FAT3: variants seen among roughly 807,000 people sequenced by gnomAD.
FAT3 encodes the protein protocadherin Fat 3.
FAT3 carries 95 observed loss-of-function variants against 310.2 expected under a neutral mutation model. The observed-to-expected ratio is 0.31, with a 90% CI of 0.26 to 0.36. FAT3 has a LOEUF of 0.36. Among genes scored for constraint, FAT3 ranks in the 10% least tolerant of loss-of-function variants. The pLI is 1.00. For synonymous variants in FAT3, 2,314 were observed against 2,192.9 expected, an observed-to-expected ratio of 1.06 and a Z score of -1.54; for missense variants, 5,408 against 5,715.6, an observed-to-expected ratio of 0.95 and a Z score of 1.74.
intron 7 of FAT3, among the ~76,000 whole-genome samples, chr11:92,777,085 G>A (rs983485386): frequency 6.6e-5 from 10 of 152,206 alleles, no homozygotes; most frequent in African/African-American, 2.4e-4. Flanking sequence ...ATGTTCCCAT[G>A]CATGACGCTG....
At chr11:92,453,277 A>C (rs1201398889) in intron 2 of FAT3, among the ~76,000 whole-genome samples, 1 of 152,188 alleles carries the variant, frequency 6.6e-6, no homozygotes. Flanking sequence ...CTTCCTATTC[A>C]CCAGTAAAAC....
chr11:92,442,401 C>T (rs1014301360), intron 2 of FAT3, among the ~76,000 whole-genome samples: 1 of 150,930 alleles, frequency 6.6e-6, no homozygotes, highest in Non-Finnish European at 1.5e-5. Context: ...GCATGAGCCA[C>T]CGCGCCTGGC....
chr11:92,668,884 G>A (rs1943041756), intron 3 of FAT3, among the ~76,000 whole-genome samples: 1 of 152,050 alleles, frequency 6.6e-6, no homozygotes, highest in Non-Finnish European at 1.5e-5. Flanking sequence ...CGGTTGTATC[G>A]AGCAGCATTT....
chr11:92,442,826 A>G (rs1175322128), intron 2 of FAT3, among the ~76,000 whole-genome samples: 1 of 152,022 alleles, frequency 6.6e-6, no homozygotes, highest in Non-Finnish European at 1.5e-5. Context: ...TTTTTATGCT[A>G]CCTATTAGTT....
chr11:92,660,874 T>C (rs1488495902), intron 3 of FAT3, among the ~76,000 whole-genome samples: 2 of 152,186 alleles, frequency 1.3e-5, no homozygotes, highest in Non-Finnish European at 1.5e-5. Context: ...ATATGTCTTA[T>C]TCTAGATTAT....
chr11:92,604,622 C>G (rs1053427173), intron 3 of FAT3, among the ~76,000 whole-genome samples: 1 of 152,148 alleles, frequency 6.6e-6, no homozygotes, highest in Non-Finnish European at 1.5e-5. Context: ...CTATACACAT[C>G]CTGCGTCACC....
Position 92,737,256 on chromosome 11 carries a change from A to G in FAT3, c.3670-24600A>G, listed in dbSNP as rs569094436. On this transcript the variant is annotated intron_variant, in intron 4 of 27. Transcript: ENST00000525166. ...TGCTGATTACACTGTGTGACGGAGG[A>G]TATACCAGCCCTTGATTTTTGTCTC... 6.6e-5 allele frequency among the ~76,000 whole-genome samples: 10 copies of G among 152,290 alleles called. 1 individual carries two copies. The South Asian group carries it at 2.1e-3, about 32-fold the overall frequency.
chr11:92,515,097 A>G (rs116481590), intron 2 of FAT3, among the ~76,000 whole-genome samples: 2,436 of 152,200 alleles, frequency 0.016, 69 homozygotes, highest in African/African-American at 0.054. Context: ...AAACTAGCCT[A>G]CTGCTGAATC....
At chr11:92,286,016 A>C (rs901125890) in intron 1 of FAT3, among the ~76,000 whole-genome samples, 3 of 152,014 alleles carry the variant, frequency 2.0e-5, no homozygotes, top group African/African-American at 7.2e-5. Context: ...CCCCGAGATG[A>C]GAGTGTCGGT....
chr11:92,567,920 T>A (rs183730194), intron 3 of FAT3, among the ~76,000 whole-genome samples: 1 of 150,812 alleles, frequency 6.6e-6, no homozygotes, highest in Non-Finnish European at 1.5e-5. Flanking sequence ...AGGGATAGCA[T>A]TGGGAGATAC....
intron 3 of FAT3, among the ~76,000 whole-genome samples, chr11:92,653,713 T>G (rs1815455366): frequency 6.6e-6 from 1 of 152,232 alleles, no homozygotes; most frequent in Non-Finnish European, 1.5e-5. Context: ...TTCCTTGTTA[T>G]TCTTCCTACT....
Position 92,431,342 on chromosome 11 carries a change from A to G in FAT3, c.3292+75938A>G, listed in dbSNP as rs537410589. On this transcript the variant is annotated intron_variant, in intron 2 of 27. Coordinates refer to ENST00000525166, the MANE Select transcript of FAT3 (RefSeq NM_001367949.2). ...AAGTGTCTGTTCATATCCTTCGCCC[A>G]CTTTTTGATGGGGTTGTTTGTTTTT... Among the ~76,000 whole-genome samples, 17 of 151,990 alleles carry G rather than the reference A, an allele frequency of 1.1e-4. 1 individual carries two copies. In the South Asian group the frequency reaches 3.3e-3, roughly 30 times the overall value.
At chr11:92,347,563 G>T (rs1326927228) in intron 1 of FAT3, among the ~76,000 whole-genome samples, 2 of 152,136 alleles carry the variant, frequency 1.3e-5, no homozygotes, top group Admixed American at 1.3e-4. Flanking sequence ...CAGAGCCAAG[G>T]CTGTCCCAGA....
chr11:92,347,485 A>T (rs1402303829), intron 1 of FAT3, among the ~76,000 whole-genome samples: 3 of 152,194 alleles, frequency 2.0e-5, no homozygotes, highest in Non-Finnish European at 4.4e-5. Flanking sequence ...TCACCAATTT[A>T]AGCAGACCAG....
At chr11:92,509,843 T>C (rs1325877374) in intron 2 of FAT3, among the ~76,000 whole-genome samples, 1 of 152,204 alleles carries the variant, frequency 6.6e-6, no homozygotes, top group East Asian at 1.9e-4. Context: ...CAACAGTTAT[T>C]ATCTCTGGAT....
chr11:92,515,245 T>C (rs1025179547), intron 2 of FAT3, among the ~76,000 whole-genome samples: 12 of 152,078 alleles, frequency 7.9e-5, no homozygotes, highest in Non-Finnish European at 1.3e-4. Context: ...CTGTGTTGGG[T>C]AATGGGTTAT....
At chr11:92,723,649 G>T (rs1464408455) in intron 4 of FAT3, among the ~76,000 whole-genome samples, 1 of 152,166 alleles carries the variant, frequency 6.6e-6, no homozygotes, top group Non-Finnish European at 1.5e-5. Context: ...AAAGAAAGAG[G>T]TTTATTGGAC....
chr11:92,528,330 C>A (rs1047463480), intron 3 of FAT3, among the ~76,000 whole-genome samples: 3 of 152,186 alleles, frequency 2.0e-5, no homozygotes, highest in Non-Finnish European at 4.4e-5. Context: ...TCAAATGCAG[C>A]CTACCCCCAT....
chr11:92,559,391 T>TC (rs534275313), intron 3 of FAT3: 1 of 194,544 alleles, frequency 5.1e-6, no homozygotes, highest in Non-Finnish European at 1.1e-5. Context: ...TCCTTTTTTT[T>TC]TTTTTTTTTT....
Sources: gnomAD v4.1 joint callset for allele counts (sites outside exome capture counted in the v4.1 genomes callset) on GRCh38, gnomAD v4.1.1 for gene constraint, MANE v1.5 for transcripts, NCBI Gene and HGNC (gene_info 2026-07-23, HGNC 2026-07-21) for gene names.